Variants in PDSS2 observed in about 807,000 individuals in gnomAD.
PDSS2 encodes all trans-polyprenyl-diphosphate synthase PDSS2.
In PDSS2, 31 loss-of-function variants were observed where a neutral mutation model predicts 44.5. The ratio of observed to expected loss-of-function variants is 0.70; its 90% confidence interval spans 0.52 to 0.94. PDSS2 has a LOEUF of 0.94. Ranked by LOEUF, PDSS2 falls within the 40% of genes least tolerant of loss-of-function variation. PDSS2 has a pLI of 0.00. For missense variants in PDSS2, 452 were observed against 482.2 expected (o/e 0.94, Z 0.59); for synonymous variants, 157 against 180.3 (o/e 0.87, Z 1.03).
chr6:107,294,414 A>T (rs1389855067), intron 2 of PDSS2, among the ~76,000 whole-genome samples: 1 of 151,770 alleles, frequency 6.6e-6, no homozygotes, highest in Non-Finnish European at 1.5e-5. Context: ...TTTTTTAATT[A>T]AAAAAAATTT....
chr6:107,211,274 T>A (rs1431335089), intron 5 of PDSS2, among the ~76,000 whole-genome samples: 1 of 151,568 alleles, frequency 6.6e-6, no homozygotes, highest in Non-Finnish European at 1.5e-5. Context: ...TTAAATTAAA[T>A]TTAAAATTAT....
At chr6:107,365,906 A>C (rs905156368) in intron 1 of PDSS2, among the ~76,000 whole-genome samples, 13 of 152,206 alleles carry the variant, frequency 8.5e-5, no homozygotes, top group Admixed American at 2.0e-4. Context: ...AAAAACTGAA[A>C]AAACTGAAAG....
chr6:107,154,886 A>C, intron 7 of PDSS2, 109 bp from the exon 8 acceptor site: 1 of 948,318 alleles, frequency 1.1e-6, no homozygotes, highest in Non-Finnish European at 1.7e-6. Context: ...GAAATAGTAT[A>C]GATTGAGTAT....
chr6:107,332,794 A>G (rs989088978), intron 2 of PDSS2, among the ~76,000 whole-genome samples: 7 of 152,262 alleles, frequency 4.6e-5, no homozygotes, highest in Non-Finnish European at 1.0e-4. Flanking sequence ...CAAATGGAAT[A>G]GCTGTCATAA....
intron 3 of PDSS2, among the ~76,000 whole-genome samples, chr6:107,255,611 A>C (rs112181466): frequency 0.077 from 11,725 of 151,936 alleles, 1,099 homozygotes; most frequent in African/African-American, 0.22. Flanking sequence ...AAAAAAAAAA[A>C]AAACAAACAA....
intron 1 of PDSS2, among the ~76,000 whole-genome samples, chr6:107,383,562 C>T (rs1476233166): frequency 6.6e-6 from 1 of 151,730 alleles, no homozygotes; most frequent in African/African-American, 2.4e-5. Flanking sequence ...GCAAACCATG[C>T]CTCTGAGAAG....
At chr6:107,161,033 T>C (rs1771106579) in intron 7 of PDSS2, among the ~76,000 whole-genome samples, 1 of 151,814 alleles carries the variant, frequency 6.6e-6, no homozygotes, top group East Asian at 2.0e-4. Context: ...CCACTGCGCA[T>C]GGCCAATTTT....
At chr6:107,396,419 C>A (rs1430700209) in intron 1 of PDSS2, among the ~76,000 whole-genome samples, 2 of 152,168 alleles carry the variant, frequency 1.3e-5, no homozygotes, top group Admixed American at 6.6e-5. Flanking sequence ...TCTTTTGTTT[C>A]CTTTCTCTCA....
intron 1 of PDSS2, among the ~76,000 whole-genome samples, chr6:107,376,572 T>C (rs909438379): frequency 1.3e-5 from 2 of 152,176 alleles, no homozygotes; most frequent in Non-Finnish European, 2.9e-5. Flanking sequence ...CTGTTATTGG[T>C]GTATAAGAAT....
chr6:107,293,836 A>T (rs538294155), intron 2 of PDSS2, among the ~76,000 whole-genome samples: 1 of 152,334 alleles, frequency 6.6e-6, no homozygotes, highest in South Asian at 2.1e-4. Flanking sequence ...GTGATAGCAG[A>T]TGAAGAAGAC....
intron 2 of PDSS2, among the ~76,000 whole-genome samples, chr6:107,289,019 G>A (rs1434834455): frequency 5.4e-5 from 8 of 147,926 alleles, no homozygotes; most frequent in Admixed American, 2.7e-4. Context: ...CGCCCACCTC[G>A]GCCTCCCAAA....
chr6:107,453,529 G>T (rs918165911), intron 1 of PDSS2, among the ~76,000 whole-genome samples: 1 of 151,052 alleles, frequency 6.6e-6, no homozygotes, highest in Non-Finnish European at 1.5e-5. Context: ...GGGCATATTT[G>T]TGTTAATCTA....
At position 107,394,495 on chromosome 6, in the gene PDSS2, AC is replaced by A. The variant is rs559975826; in HGVS notation, c.297-60164del. Among the ~76,000 whole-genome samples, 375 of 152,254 alleles carry A rather than the reference AC, an allele frequency of 2.5e-3. 1 individual carries two copies. Among genetic ancestry groups the A allele is most frequent in the African/African-American group, 8.6e-3 (356 of 41,544 alleles). On this transcript the variant is annotated intron_variant, in intron 1 of 7. Coordinates refer to ENST00000369037, the MANE Select transcript of PDSS2 (RefSeq NM_020381.4). ...GAACCAGCTCTCATAAGAACTCACTACCATGAGGACAGTACCGAGATCATCG... is the reference window on the plus strand; with the variant it reads ...GAACCAGCTCTCATAAGAACTCACTACATGAGGACAGTACCGAGATCATCG...
chr6:107,291,092 C>T (rs1396375635), intron 2 of PDSS2, among the ~76,000 whole-genome samples: 1 of 151,326 alleles, frequency 6.6e-6, no homozygotes, highest in Non-Finnish European at 1.5e-5. Context: ...AAGAATCTTT[C>T]GTGATGATAA....
intron 1 of PDSS2, among the ~76,000 whole-genome samples, chr6:107,376,928 A>G (rs1272618330): frequency 1.3e-5 from 2 of 152,084 alleles, no homozygotes; most frequent in African/African-American, 4.8e-5. Flanking sequence ...CTAAAGCCAT[A>G]AAAACCCTAG....
At chr6:107,347,462 G>A (rs937395861) in intron 1 of PDSS2, among the ~76,000 whole-genome samples, 4 of 151,760 alleles carry the variant, frequency 2.6e-5, no homozygotes, top group South Asian at 2.1e-4. Flanking sequence ...GTAGAGATGG[G>A]GTTTCACAAA....
At chr6:107,320,900 G>T (rs1402237873) in intron 2 of PDSS2, among the ~76,000 whole-genome samples, 1 of 152,096 alleles carries the variant, frequency 6.6e-6, no homozygotes, top group Non-Finnish European at 1.5e-5. Flanking sequence ...TACTTCATAG[G>T]TTGTCTACAG....
At chr6:107,183,005 G>GT (rs955963125) in intron 7 of PDSS2, among the ~76,000 whole-genome samples, 9 of 152,048 alleles carry the variant, frequency 5.9e-5, no homozygotes, top group Admixed American at 5.9e-4. Context: ...GACCCCAGGA[G>GT]TTTGAGACCA....
rs146601046 is a variant in PDSS2, at chr6:107,449,816, C to A, written c.296+9174G>T. ...AAACTCCTGGCCTCAAGTGATCCTC[C>A]CACCTCAGCTTCCCAAAGTGTTGGG... On this transcript the variant is annotated intron_variant, in intron 1 of 7. Transcript: ENST00000369037. Among the ~76,000 whole-genome samples the A allele has an allele frequency of 8.9e-3, 1,353 of 152,272 alleles. 51 individuals are homozygous for A. In the East Asian group the frequency reaches 0.12, roughly 13 times the overall value.
Sources: allele counts gnomAD v4.1 joint callset (sites outside exome capture counted in the v4.1 genomes callset), GRCh38; gene constraint gnomAD v4.1.1; transcripts MANE v1.5; gene names NCBI Gene and HGNC (gene_info 2026-07-23, HGNC 2026-07-21).